The following PCDH15 variants were observed in gnomAD, a reference collection of about 807,000 sequenced individuals.
PCDH15 encodes the protein protocadherin-15.
PCDH15 carries 129 observed loss-of-function variants against 178.5 expected under a neutral mutation model. The observed-to-expected ratio is 0.72, with a 90% CI of 0.63 to 0.84. The LOEUF (loss-of-function observed/expected upper bound fraction) is 0.84. Ranked by LOEUF, PCDH15 falls within the 40% of genes least tolerant of loss-of-function variation. PCDH15 has a pLI of 0.00. For missense variants in PCDH15, 2,230 were observed against 2,099.9 expected (o/e 1.06, Z -1.21); for synonymous variants, 800 against 732.0 (o/e 1.09, Z -1.50).
At position 55,378,877 on chromosome 10, in the gene PCDH15, ATCTCTC is replaced by A. The variant is rs67020951; in HGVS notation, c.-155-212232_-155-212227del. On this transcript the variant is annotated intron_variant, in intron 2 of 5. Transcript: ENST00000613346. ...TTCCTTTCTTTGTGTAACTCTCCCC[ATCTCTC>A]TCTCTCTCTCTCTCTCTCTCTCTCT... Among the ~76,000 whole-genome samples the A allele has an allele frequency of 1.9e-3, 230 of 124,142 alleles. 1 individual carries two copies. Among genetic ancestry groups the A allele is most frequent in the African/African-American group, 3.3e-3 (114 of 34,510 alleles). The allele number at this position is 124,142 out of a possible 152,430, so 81.4% of individuals were successfully genotyped here. A position where few individuals can be genotyped will look rare whatever the true frequency, so the allele number is the denominator to read the frequency against.
intron 20 of PCDH15, among the ~76,000 whole-genome samples, chr10:54,007,139 C>T (rs2092413586): frequency 6.6e-6 from 1 of 152,116 alleles, no homozygotes; most frequent in Middle Eastern, 3.2e-3. Flanking sequence ...TAGAACAGCC[C>T]TTTTCTTTCT....
At chr10:54,081,404 C>T (rs2094435563) in intron 16 of PCDH15, among the ~76,000 whole-genome samples, 1 of 152,006 alleles carries the variant, frequency 6.6e-6, no homozygotes, top group African/African-American at 2.4e-5. Context: ...ATATAGTATA[C>T]AGTATATTCA....
intron 5 of PCDH15, among the ~76,000 whole-genome samples, chr10:54,357,127 T>G (rs1489723296): frequency 1.3e-5 from 2 of 151,978 alleles, no homozygotes; most frequent in African/African-American, 4.8e-5. Flanking sequence ...CTCTCACCAC[T>G]CCTATTCAAC....
chr10:54,517,365 G>T (rs1044680792), intron 3 of PCDH15, among the ~76,000 whole-genome samples: 1 of 151,436 alleles, frequency 6.6e-6, no homozygotes, highest in African/African-American at 2.4e-5. Context: ...GATGGAGGAA[G>T]ATCTACCAAG....
chr10:55,206,193 A>G (rs1476834698), intron 1 of PCDH15, among the ~76,000 whole-genome samples: 1 of 152,116 alleles, frequency 6.6e-6, no homozygotes, highest in East Asian at 1.9e-4. Context: ...TGAAAAACAG[A>G]AACAAAACAG....
intron 1 of PCDH15, among the ~76,000 whole-genome samples, chr10:54,717,192 A>G (rs549806945): frequency 1.3e-4 from 16 of 127,168 alleles, no homozygotes; most frequent in African/African-American, 5.0e-4. Flanking sequence ...TTCAGGACAT[A>G]GGCATGGGCA....
At chr10:54,884,510 T>TGC (rs1554810459) in intron 3 of PCDH15, among the ~76,000 whole-genome samples, 10 of 149,882 alleles carry the variant, frequency 6.7e-5, no homozygotes, top group Admixed American at 4.7e-4. Context: ...TGTGTGTGTG[T>TGC]GCACCTGTGT....
intron 2 of PCDH15, among the ~76,000 whole-genome samples, chr10:55,368,509 T>C (rs1469735290): frequency 6.6e-6 from 1 of 152,150 alleles, no homozygotes; most frequent in Non-Finnish European, 1.5e-5. Flanking sequence ...TTAAGTTTGA[T>C]TGCTCTATCT....
intron 1 of PCDH15, among the ~76,000 whole-genome samples, chr10:55,193,303 A>G (rs1330089720): frequency 1.3e-5 from 2 of 151,954 alleles, no homozygotes; most frequent in African/African-American, 4.8e-5. Context: ...CTGTAACACA[A>G]TATGTTCATT....
chr10:54,941,076 T>A (rs1838051196), intron 2 of PCDH15, among the ~76,000 whole-genome samples: 3 of 152,134 alleles, frequency 2.0e-5, no homozygotes. Flanking sequence ...GTATGCTTTT[T>A]TGGGTCTTGT....
chr10:54,543,762 A>G (rs546081262), intron 2 of PCDH15, among the ~76,000 whole-genome samples: 69 of 152,230 alleles, frequency 4.5e-4, no homozygotes, highest in African/African-American at 1.6e-3. Flanking sequence ...GAAACTGCCT[A>G]TTCTAACCCG....
At position 54,139,883 on chromosome 10, in the gene PCDH15, G is replaced by T. The variant is rs181992255; in HGVS notation, c.1785-6876C>A. On this transcript the variant is annotated intron_variant, in intron 14 of 37. Transcript: ENST00000644397. ...ATTTTTATAAGAAAAGATTTTGTAT[G>T]GTGAATGTTTGTCCAAAATTAAAAT... Among the ~76,000 whole-genome samples the T allele has an allele frequency of 8.0e-3, 1,219 of 152,068 alleles. 15 individuals are homozygous for T. Among genetic ancestry groups the T allele is most frequent in the Non-Finnish European group, 0.012 (812 of 67,962 alleles).
rs755876430 is a variant in PCDH15, at chr10:53,821,909, A to ATTGTTCAAACTCCCCTTGT, written c.4368-1698_4368-1680dup. The ATTGTTCAAACTCCCCTTGT allele has an allele frequency of 6.2e-7, 1 of 1,613,684 alleles. No homozygotes were observed. Among genetic ancestry groups the ATTGTTCAAACTCCCCTTGT allele is most frequent in the Non-Finnish European group, 8.5e-7 (1 of 1,179,706 alleles). ...ATTGTTTTTCAGTTCCCTCGACAAT[A>ATTGTTCAAACTCCCCTTGT]TTGTTCAAACTCCCCTTGTTTTGTT... On this transcript the variant is annotated intron_variant, in intron 32 of 37. Coordinates refer to ENST00000644397, the MANE Select transcript of PCDH15 (RefSeq NM_001384140.1).
intron 2 of PCDH15, among the ~76,000 whole-genome samples, chr10:54,553,964 T>G (rs542531581): frequency 6.6e-6 from 1 of 152,280 alleles, no homozygotes; most frequent in African/African-American, 2.4e-5. Context: ...ACATTATAAA[T>G]CTAATTTCCA....
At chr10:54,359,505 T>C (rs1945647273) in intron 5 of PCDH15, among the ~76,000 whole-genome samples, 1 of 152,004 alleles carries the variant, frequency 6.6e-6, no homozygotes, top group Admixed American at 6.6e-5. Context: ...AAATAGACCA[T>C]TTCCATTACC....
chr10:54,535,710 A>T (rs1466100786), intron 2 of PCDH15, among the ~76,000 whole-genome samples: 1 of 38,160 alleles, frequency 2.6e-5, no homozygotes, highest in Admixed American at 2.7e-4. Context: ...ACTCCACCTC[A>T]AAAAAAAAAA....
chr10:54,300,423 A>G (rs1049939504), intron 8 of PCDH15, among the ~76,000 whole-genome samples: 1 of 152,316 alleles, frequency 6.6e-6, no homozygotes, highest in East Asian at 1.9e-4. Flanking sequence ...ATGGAACCCC[A>G]AATGAACTCA....
At chr10:54,589,711 C>A (rs1255494655) in intron 2 of PCDH15, among the ~76,000 whole-genome samples, 1 of 152,010 alleles carries the variant, frequency 6.6e-6, no homozygotes, top group African/African-American at 2.4e-5. Context: ...CACCATTCTC[C>A]CACCTCAGCC....
intron 21 of PCDH15, among the ~76,000 whole-genome samples, chr10:53,987,637 G>A (rs1312636186): frequency 6.6e-6 from 1 of 152,104 alleles, no homozygotes; most frequent in Non-Finnish European, 1.5e-5. Context: ...GTCCCCAGAT[G>A]CCTCAGACAC....
Sources: allele counts gnomAD v4.1 joint callset (sites outside exome capture counted in the v4.1 genomes callset), GRCh38; gene constraint gnomAD v4.1.1; transcripts MANE v1.5; gene names NCBI Gene and HGNC (gene_info 2026-07-23, HGNC 2026-07-21).